The following RANBP2 variants were observed in gnomAD, a reference collection of about 807,000 sequenced individuals.
RANBP2 encodes E3 SUMO-protein ligase RanBP2.
A neutral mutation model predicts 303.6 loss-of-function variants in RANBP2; 57 were observed. The ratio of observed to expected loss-of-function variants is 0.19; its 90% CI spans 0.15 to 0.23. The LOEUF is 0.23. Among genes scored for constraint, RANBP2 ranks in the 10% least tolerant of loss-of-function variants. The pLI is 1.00. For missense variants in RANBP2, 3,138 were observed against 3,780.8 expected, an observed-to-expected ratio of 0.83 and a Z score of 4.46; for synonymous variants, 1,167 against 1,301.5, an observed-to-expected ratio of 0.90 and a Z score of 2.23.
chr2:109,227,338 C>CTT, the RANBP2 span, among the ~76,000 whole-genome samples: 1,894 of 152,292 alleles, frequency 0.012, 47 homozygotes, highest in African/African-American at 0.043. Flanking sequence ...AGTCACAATA[C>CTT]TAAGGGACTT....
chr2:108,743,060 A>T (rs1039995794), intron 7 of RANBP2, among the ~76,000 whole-genome samples: 1 of 152,240 alleles, frequency 6.6e-6, no homozygotes, highest in Non-Finnish European at 1.5e-5. Flanking sequence ...AAGTGCTGGC[A>T]TTATAGGCGT....
chr2:109,466,392 T>G, the RANBP2 span, among the ~76,000 whole-genome samples: 1 of 152,352 alleles, frequency 6.6e-6, no homozygotes, highest in South Asian at 2.1e-4. Context: ...TACATCTTTT[T>G]TAATGAGATG....
the RANBP2 span, among the ~76,000 whole-genome samples, chr2:109,137,080 A>AT: frequency 5.3e-5 from 8 of 152,056 alleles, no homozygotes; most frequent in South Asian, 2.1e-4. Context: ...ATGAAATGTA[A>AT]TTTTTTTTCC....
At chr2:109,075,052 A>AG in the RANBP2 span, among the ~76,000 whole-genome samples, 55 of 61,224 alleles carry the variant, frequency 9.0e-4, no homozygotes, top group African/African-American at 1.8e-3. Flanking sequence ...AAAAAAAAGA[A>AG]GAAGAAGAAA....
the RANBP2 span, among the ~76,000 whole-genome samples, chr2:109,392,172 A>G: frequency 6.6e-6 from 1 of 152,174 alleles, no homozygotes; most frequent in Admixed American, 6.5e-5. Flanking sequence ...TACCCAACCC[A>G]TTCCAATAGT....
chr2:109,514,642 C>T, the RANBP2 span, among the ~76,000 whole-genome samples: 1 of 152,338 alleles, frequency 6.6e-6, no homozygotes, highest in East Asian at 1.9e-4. Flanking sequence ...CTGCAGTGCT[C>T]TGCCAGAGTG....
At chr2:109,134,079 T>A in the RANBP2 span, among the ~76,000 whole-genome samples, 3 of 152,216 alleles carry the variant, frequency 2.0e-5, no homozygotes, top group Non-Finnish European at 4.4e-5. Flanking sequence ...GATTTTCTGT[T>A]GAACATTTAC....
the RANBP2 span, among the ~76,000 whole-genome samples, chr2:109,067,484 G>C: frequency 6.6e-6 from 1 of 152,198 alleles, no homozygotes; most frequent in Non-Finnish European, 1.5e-5. Context: ...CACCATCCCA[G>C]GGTCTCGGGA....
the RANBP2 span, chr2:109,545,694 T>G: frequency 6.8e-7 from 1 of 1,460,016 alleles, no homozygotes. Flanking sequence ...TCAAAATAAC[T>G]CATGGTAGGT....
chr2:109,445,324 G>T, the RANBP2 span, among the ~76,000 whole-genome samples: 1 of 152,178 alleles, frequency 6.6e-6, no homozygotes, highest in Non-Finnish European at 1.5e-5. Flanking sequence ...TCCTCACACA[G>T]AAAGCACAAA....
the RANBP2 span, among the ~76,000 whole-genome samples, chr2:108,905,905 G>A: frequency 1.4e-5 from 2 of 146,004 alleles, no homozygotes; most frequent in African/African-American, 2.8e-5. Context: ...GGGGATGCTC[G>A]AGGGCAGGGA....
chr2:109,597,479 CTG>C, the RANBP2 span, among the ~76,000 whole-genome samples: 15 of 152,186 alleles, frequency 9.9e-5, no homozygotes, highest in African/African-American at 3.4e-4. Flanking sequence ...CCTTGTGACT[CTG>C]TCTCAGAGAA....
the RANBP2 span, among the ~76,000 whole-genome samples, chr2:109,507,795 A>G: frequency 6.6e-6 from 1 of 152,208 alleles, no homozygotes; most frequent in East Asian, 1.9e-4. Context: ...TCTTGACTCA[A>G]CTGAAAAGCT....
At chr2:108,923,382 G>A in the RANBP2 span, 2 of 1,614,200 alleles carry the variant, frequency 1.2e-6, no homozygotes, top group Non-Finnish European at 1.7e-6. Context: ...CTTGGTGTTG[G>A]GGGGTGCCAG....
Position 108,746,741 on chromosome 2 carries a change from G to C in RANBP2, c.1006G>C (p.Gly336Arg). The part of the protein sequence containing the change: ...VPRPKIKLIK[G>R]EAGQNLLEMM... The stretch of plus-strand genomic sequence containing the variant: ...AAGACCAAAGATTAAATTAATAAAA[G>C]GTGAAGCTGGACAAAATCTGCTGGA... Residue 336 changes from glycine to arginine, a missense_variant, in exon 8 of 29, where the codon GGT becomes CGT. Around this residue, in one of 20 missense-constraint regions of RANBP2, gnomAD observed 6 missense variants for 38.5 expected, o/e 0.16. Coordinates refer to ENST00000283195, the MANE Select transcript of RANBP2 (RefSeq NM_006267.5). 1.4e-6 allele frequency: 2 copies of C among 1,457,856 alleles called. No homozygotes were observed. Among genetic ancestry groups the C allele is most frequent in the Non-Finnish European group, 1.8e-6 (2 of 1,085,810 alleles). 90.3% of individuals were successfully genotyped at this position (1,457,856 alleles called of 1,614,324 possible).
At chr2:109,353,648 C>T in the RANBP2 span, among the ~76,000 whole-genome samples, 1 of 152,142 alleles carries the variant, frequency 6.6e-6, no homozygotes, top group Non-Finnish European at 1.5e-5. Flanking sequence ...GCTTCTTGGT[C>T]CATTCCTTCA....
At chr2:109,386,081 A>G in the RANBP2 span, among the ~76,000 whole-genome samples, 1 of 152,170 alleles carries the variant, frequency 6.6e-6, no homozygotes, top group Non-Finnish European at 1.5e-5. Context: ...AAAAATCTCA[A>G]AAGAATGTAG....
the RANBP2 span, among the ~76,000 whole-genome samples, chr2:109,598,454 T>C: frequency 4.6e-5 from 7 of 152,206 alleles, no homozygotes; most frequent in Admixed American, 2.6e-4. Flanking sequence ...GTTTTTAAAC[T>C]GTCCCTTGGG....
chr2:108,997,163 T>C, the RANBP2 span, among the ~76,000 whole-genome samples: 5 of 152,134 alleles, frequency 3.3e-5, no homozygotes, highest in Admixed American at 6.5e-5. Context: ...CTAGTATGGC[T>C]GGGCGCAGTG....
Sources: allele counts gnomAD v4.1 joint callset (sites outside exome capture counted in the v4.1 genomes callset), GRCh38; gene constraint gnomAD v4.1.1; regional missense constraint gnomAD v4.1.1; transcripts MANE v1.5; gene names NCBI Gene and HGNC (gene_info 2026-07-23, HGNC 2026-07-21).